The following DNAH5 variants were observed in gnomAD, a reference collection of about 807,000 sequenced individuals.
The protein encoded by DNAH5 is dynein axonemal heavy chain 5, also known as axonemal beta dynein heavy chain 5.
In DNAH5, 372 loss-of-function variants were observed where a neutral mutation model predicts 518.2. The observed-to-expected ratio is 0.72, with a 90% CI of 0.66 to 0.78. The LOEUF (loss-of-function observed/expected upper bound fraction) is 0.78. Ranked by LOEUF, DNAH5 falls within the 30% of genes least tolerant of loss-of-function variation. The pLI, the probability that DNAH5 is intolerant of heterozygous loss-of-function variation, is 0.00. For synonymous variants in DNAH5, 2,039 were observed against 2,025.9 expected (o/e 1.01, Z -0.17); for missense variants, 5,523 against 5,687.0 (o/e 0.97, Z 0.93).
At chr5:13,890,166 G>A (rs960133095) in intron 17 of DNAH5, among the ~76,000 whole-genome samples, 1 of 152,140 alleles carries the variant, frequency 6.6e-6, no homozygotes, top group Non-Finnish European at 1.5e-5. Context: ...CAGTACTTTG[G>A]GAGGCCGAGG....
At chr5:13,959,916 C>T (rs936888475) in intron 1 of DNAH5, among the ~76,000 whole-genome samples, 7 of 151,950 alleles carry the variant, frequency 4.6e-5, no homozygotes, top group African/African-American at 1.5e-4. Context: ...TGCAGTGAGC[C>T]GAGATTGCGC....
chr5:13,931,091 G>C lies in DNAH5; in HGVS notation c.192+19C>G. The C allele has an allele frequency of 6.2e-7, 1 of 1,614,016 alleles. No homozygotes were observed. Among genetic ancestry groups the C allele is most frequent in the Non-Finnish European group, 8.5e-7 (1 of 1,179,906 alleles). On this transcript the variant is annotated intron_variant, in intron 2 of 78. Transcript: ENST00000265104. ...GTGCCCTCCATCATCAAGTCAGTGAGAAGTGAAACGCATCCCACCTGATTC... is the reference window on the plus strand; with the variant it reads ...GTGCCCTCCATCATCAAGTCAGTGACAAGTGAAACGCATCCCACCTGATTC...
At chr5:13,842,472 A>G (rs1406700722) in intron 32 of DNAH5, among the ~76,000 whole-genome samples, 2 of 120,508 alleles carry the variant, frequency 1.7e-5, no homozygotes, top group African/African-American at 3.4e-5. Flanking sequence ...AGAAAGAAAG[A>G]AAGAAAGAAA....
chr5:13,898,619 A>T (rs1328538071), intron 15 of DNAH5: 4 of 398,496 alleles, frequency 1.0e-5, no homozygotes, highest in Non-Finnish European at 1.8e-5. Context: ...TCTCTAAGCC[A>T]CAGTTTTGTC....
intron 1 of DNAH5, among the ~76,000 whole-genome samples, chr5:13,990,397 G>A (rs565432683): frequency 1.3e-5 from 2 of 151,456 alleles, no homozygotes; most frequent in East Asian, 3.9e-4. Flanking sequence ...CCAAACACAC[G>A]AAAAAATTAG....
intron 1 of DNAH5, among the ~76,000 whole-genome samples, chr5:13,954,893 G>A (rs1200649869): frequency 6.6e-6 from 1 of 152,114 alleles, no homozygotes; most frequent in Non-Finnish European, 1.5e-5. Context: ...AAGCCTAAAG[G>A]AAAATCATCT....
At chr5:13,793,769 C>A (rs1486529937) in intron 48 of DNAH5, 41 bp from the exon 49 acceptor site, 1 of 1,599,150 alleles carries the variant, frequency 6.3e-7, no homozygotes. Flanking sequence ...TCATTCCTTT[C>A]TATCCCCGGA....
chr5:13,963,035 C>A (rs1244229532), intron 1 of DNAH5, among the ~76,000 whole-genome samples: 1 of 152,100 alleles, frequency 6.6e-6, no homozygotes, highest in African/African-American at 2.4e-5. Context: ...ATTTTGAGAA[C>A]CAGCCACCTT....
intron 13 of DNAH5, 79 bp from the exon 14 acceptor site, chr5:13,901,652 T>A: frequency 1.2e-6 from 1 of 828,680 alleles, no homozygotes; most frequent in Non-Finnish European, 1.8e-6. Context: ...TCTAGTAATC[T>A]CATTTATTAA....
chr5:13,814,154 C>T (rs1005201597), intron 43 of DNAH5, among the ~76,000 whole-genome samples: 5 of 152,122 alleles, frequency 3.3e-5, no homozygotes, highest in Non-Finnish European at 7.4e-5. Context: ...AAATTTGGAA[C>T]TAACGTTATA....
intron 17 of DNAH5, among the ~76,000 whole-genome samples, chr5:13,888,813 G>C (rs1420720825): frequency 6.6e-6 from 1 of 152,090 alleles, no homozygotes; most frequent in East Asian, 1.9e-4. Flanking sequence ...TTTGGGGAGG[G>C]AATAACATTA....
At chr5:13,736,104 AC>A (rs1334278940) in intron 66 of DNAH5, among the ~76,000 whole-genome samples, 172 bp from the exon 67 acceptor site, 1 of 152,246 alleles carries the variant, frequency 6.6e-6, no homozygotes. Context: ...TTTATTATTT[AC>A]AACATTTTGT....
At chr5:13,698,556 T>C (rs1331216344) in intron 78 of DNAH5, among the ~76,000 whole-genome samples, 2 of 152,250 alleles carry the variant, frequency 1.3e-5, no homozygotes, top group Non-Finnish European at 2.9e-5. Context: ...TGATTACCAT[T>C]GCACTGAAGG....
At chr5:13,884,275 G>T (rs2151940332) in intron 19 of DNAH5, among the ~76,000 whole-genome samples, 1 of 152,200 alleles carries the variant, frequency 6.6e-6, no homozygotes, top group South Asian at 2.1e-4. Flanking sequence ...AACAATGAAA[G>T]AATCGTTTCC....
intron 35 of DNAH5, 54 bp downstream of exon 35, chr5:13,839,302 T>C: frequency 6.4e-7 from 1 of 1,566,982 alleles, no homozygotes; most frequent in Non-Finnish European, 8.8e-7. Context: ...AAAAATCCCC[T>C]GAGCAACTCG....
intron 1 of DNAH5, among the ~76,000 whole-genome samples, chr5:13,952,771 C>A (rs1780513193): frequency 6.6e-6 from 1 of 151,978 alleles, no homozygotes. Context: ...GTTTATTTAC[C>A]CATTGCTGTT....
chr5:13,761,715 A>G (rs1172015035), intron 60 of DNAH5, among the ~76,000 whole-genome samples: 1 of 152,192 alleles, frequency 6.6e-6, no homozygotes, highest in African/African-American at 2.4e-5. Context: ...TTTTTGAGCT[A>G]TGCTGAAGTC....
intron 28 of DNAH5, among the ~76,000 whole-genome samples, chr5:13,863,102 A>G (rs529485489): frequency 1.3e-5 from 2 of 152,186 alleles, no homozygotes; most frequent in African/African-American, 4.8e-5. Flanking sequence ...ATCTACCTCT[A>G]AAGTCAAGTG....
intron 63 of DNAH5, among the ~76,000 whole-genome samples, chr5:13,752,651 T>C (rs571777381): frequency 6.6e-6 from 1 of 152,364 alleles, no homozygotes; most frequent in African/African-American, 2.4e-5. Flanking sequence ...ATTATGTACA[T>C]GCAAATATTC....
Sources: allele counts gnomAD v4.1 joint callset (sites outside exome capture counted in the v4.1 genomes callset), GRCh38; gene constraint gnomAD v4.1.1; transcripts MANE v1.5; gene names NCBI Gene and HGNC (gene_info 2026-07-23, HGNC 2026-07-21).